KIAA1328: variants seen among roughly 807,000 people sequenced by gnomAD.
The protein encoded by KIAA1328 is protein hinderin.
In KIAA1328, 52 loss-of-function variants were observed where a neutral mutation model predicts 68.1. The observed-to-expected ratio is 0.76, with a 90% CI of 0.61 to 0.96. KIAA1328 has a LOEUF of 0.96. Ranked by LOEUF, KIAA1328 falls within the 40% of genes least tolerant of loss-of-function variation. The pLI, the probability that KIAA1328 is intolerant of heterozygous loss-of-function variation, is 0.00. For missense variants in KIAA1328, 641 were observed against 677.6 expected (o/e 0.95, Z 0.60); for synonymous variants, 232 against 239.4 (o/e 0.97, Z 0.28).
intron 1 of KIAA1328, among the ~76,000 whole-genome samples, chr18:36,831,712 A>G (rs1000535215): frequency 2.0e-5 from 3 of 152,210 alleles, no homozygotes; most frequent in Non-Finnish European, 4.4e-5. Context: ...ATATTAGCCC[A>G]GAAAGTCTCT....
intron 7 of KIAA1328, among the ~76,000 whole-genome samples, chr18:37,112,691 CG>C (rs1356809916): frequency 6.6e-6 from 1 of 152,120 alleles, no homozygotes; most frequent in Non-Finnish European, 1.5e-5. Context: ...TTCAGAAGAT[CG>C]GTAATAACAA....
chr18:37,227,755 A>G (rs569822582), downstream of KIAA1328, among the ~76,000 whole-genome samples: 1 of 152,366 alleles, frequency 6.6e-6, no homozygotes, highest in Non-Finnish European at 1.5e-5. Flanking sequence ...CATGCCTCCT[A>G]ACACAGCAAC....
intron 4 of KIAA1328, among the ~76,000 whole-genome samples, chr18:36,875,952 G>T (rs1480826237): frequency 2.6e-5 from 4 of 151,930 alleles, no homozygotes; most frequent in Non-Finnish European, 5.9e-5. Flanking sequence ...GTTTCTGTTT[G>T]TGTGATGGAT....
intron 1 of KIAA1328, among the ~76,000 whole-genome samples, chr18:36,830,433 G>A (rs1332299684): frequency 1.3e-5 from 2 of 152,138 alleles, no homozygotes; most frequent in Non-Finnish European, 2.9e-5. Context: ...GGACAACTGG[G>A]CTGAATTAGG....
chr18:37,053,995 C>T (rs543959443), intron 6 of KIAA1328, among the ~76,000 whole-genome samples: 46 of 150,010 alleles, frequency 3.1e-4, no homozygotes, highest in Non-Finnish European at 6.2e-4. Flanking sequence ...AGTAGGCAAA[C>T]GACATGAACA....
chr18:37,097,358 AG>A (rs1396843912), intron 7 of KIAA1328, among the ~76,000 whole-genome samples: 3 of 152,048 alleles, frequency 2.0e-5, no homozygotes, highest in African/African-American at 7.3e-5. Context: ...TGTTTTTGTC[AG>A]GTTTGTCAAA....
chr18:37,043,615 C>G (rs555107979), intron 6 of KIAA1328, among the ~76,000 whole-genome samples: 4 of 152,326 alleles, frequency 2.6e-5, no homozygotes, highest in African/African-American at 9.6e-5. Flanking sequence ...TCAAGTCATT[C>G]TGGCTTCAAC....
intron 7 of KIAA1328, among the ~76,000 whole-genome samples, chr18:37,079,518 A>T (rs1298106181): frequency 6.6e-6 from 1 of 151,638 alleles, no homozygotes; most frequent in Non-Finnish European, 1.5e-5. Flanking sequence ...TAAAAAAAAG[A>T]AGTGCAGCTA....
chr18:36,894,274 T>A (rs1261597520), intron 5 of KIAA1328, among the ~76,000 whole-genome samples: 4 of 152,292 alleles, frequency 2.6e-5, no homozygotes, highest in African/African-American at 7.2e-5. Context: ...GGTTAAAAAA[T>A]TTTTTGGTAT....
chr18:37,073,610 C>T (rs1422538077), intron 7 of KIAA1328, among the ~76,000 whole-genome samples: 1 of 152,098 alleles, frequency 6.6e-6, no homozygotes, highest in African/African-American at 2.4e-5. Context: ...CTGGTTCTTT[C>T]ATTTGTCCTC....
rs1568472797 is a variant in KIAA1328, at chr18:37,153,856, T to TA, written c.1233-6344_1233-6343insA. 3.8e-4 allele frequency among the ~76,000 whole-genome samples: 55 copies of TA among 146,284 alleles called. 1 individual carries two copies. Among genetic ancestry groups the TA allele is most frequent in the East Asian group, 1.2e-3 (6 of 5,036 alleles). ...AAATCAAGGACTTGTTCTTTTTCTTTTAAAAAAAAAAAAAAAAAAAGACTC... is the reference window on the plus strand; with the variant it reads ...AAATCAAGGACTTGTTCTTTTTCTTTATAAAAAAAAAAAAAAAAAAAGACTC... On this transcript the variant is annotated intron_variant, in intron 7 of 9. Coordinates refer to ENST00000280020, the MANE Select transcript of KIAA1328 (RefSeq NM_020776.3).
In KIAA1328 at chr18:37,210,453, T is replaced by C. The variant is rs12457651; in HGVS notation, c.1524-11564T>C. 0.032 allele frequency among the ~76,000 whole-genome samples: 4,802 copies of C among 152,276 alleles called. 552 individuals carry two copies. In the East Asian group the frequency reaches 0.36, roughly 11 times the overall value. ...TCAGCCTGTGTGCCTAGGTAACTCA[T>C]GCGTACTGGCTCTGTGAAGTACAGA... is the stretch of plus-strand genomic sequence containing the variant. On this transcript the variant is annotated intron_variant, in intron 9 of 9. Coordinates refer to ENST00000280020, the MANE Select transcript of KIAA1328 (RefSeq NM_020776.3).
intron 7 of KIAA1328, among the ~76,000 whole-genome samples, chr18:37,074,167 C>T (rs932785408): frequency 1.3e-5 from 2 of 152,154 alleles, no homozygotes; most frequent in Non-Finnish European, 2.9e-5. Flanking sequence ...ATAGACTGCT[C>T]CTTTCCTGAT....
intron 7 of KIAA1328, among the ~76,000 whole-genome samples, chr18:37,081,088 C>T (rs2056934720): frequency 6.6e-6 from 1 of 151,990 alleles, no homozygotes; most frequent in Non-Finnish European, 1.5e-5. Flanking sequence ...TCAAGCAATT[C>T]TCCTGCCTCA....
rs545887224 is a variant in KIAA1328, at chr18:36,967,926, T to C, written c.576+8491T>C. Among the ~76,000 whole-genome samples, 4 of 152,260 alleles carry C rather than the reference T, an allele frequency of 2.6e-5. No homozygotes were observed. The East Asian group carries it at 5.8e-4, about 22-fold the overall frequency. The stretch of plus-strand genomic sequence containing the variant: ...GAATGAAGAAAATCTTCAAGAAATA[T>C]AGGATTACGTAAAGAGACCAAATCT... On this transcript the variant is annotated intron_variant, in intron 6 of 9. Coordinates refer to ENST00000280020, the MANE Select transcript of KIAA1328 (RefSeq NM_020776.3).
At chr18:36,921,300 T>G (rs2049912416) in intron 5 of KIAA1328, 1 of 152,138 alleles carries the variant, frequency 6.6e-6, no homozygotes. Context: ...ATATTTTTAC[T>G]TTAAGCCATC....
chr18:37,028,469 G>A (rs1414062233), intron 6 of KIAA1328, among the ~76,000 whole-genome samples: 1 of 151,520 alleles, frequency 6.6e-6, no homozygotes, highest in Non-Finnish European at 1.5e-5. Context: ...CATATAGTCT[G>A]TGAAAAGAGA....
chr18:36,983,002 C>T (rs2052758577), intron 6 of KIAA1328, among the ~76,000 whole-genome samples: 2 of 151,254 alleles, frequency 1.3e-5, no homozygotes, highest in Non-Finnish European at 3.0e-5. Flanking sequence ...AATAGATGAA[C>T]AAAGGGGATG....
At position 36,966,031 on chromosome 18, in the gene KIAA1328, G is replaced by T. The variant is rs188232022; in HGVS notation, c.576+6596G>T. 2.6e-4 allele frequency among the ~76,000 whole-genome samples: 39 copies of T among 152,142 alleles called. 1 individual carries two copies. Among genetic ancestry groups the T allele is most frequent in the Admixed American group, 2.4e-3 (37 of 15,290 alleles). Reference sequence around the variant, plus strand: ...ATTGTTCCTTGCTAGGCCTGCCATGGTAAACAAAAGCAAACAAACAAAGAA... The same window carrying T: ...ATTGTTCCTTGCTAGGCCTGCCATGTTAAACAAAAGCAAACAAACAAAGAA... On this transcript the variant is annotated intron_variant, in intron 6 of 9. Coordinates refer to ENST00000280020, the MANE Select transcript of KIAA1328 (RefSeq NM_020776.3).
Sources: allele counts gnomAD v4.1 joint callset (sites outside exome capture counted in the v4.1 genomes callset), GRCh38; gene constraint gnomAD v4.1.1; transcripts MANE v1.5; gene names NCBI Gene and HGNC (gene_info 2026-07-23, HGNC 2026-07-21).